The following GCSAM variants were observed in gnomAD, a reference collection of about 807,000 sequenced individuals.
GCSAM encodes the protein germinal center associated signaling and motility.
In GCSAM, 8 loss-of-function variants were observed where a neutral mutation model predicts 17.6. That is an observed-to-expected ratio of 0.46 (90% CI 0.27 to 0.82). The LOEUF is 0.82. Ranked by LOEUF, GCSAM falls within the 40% of genes least tolerant of loss-of-function variation. GCSAM has a pLI of 0.15. For missense variants in GCSAM, 192 were observed against 213.5 expected (o/e 0.90, Z 0.63); for synonymous variants, 68 against 69.0 (o/e 0.98, Z 0.07).
Position 112,125,258 on chromosome 3 carries a change from G to T in GCSAM, c.191-4C>A. ...GGAGTAGATGACATTCTTTCATCTG[G>T]AGAAAGAAAATACACTCAATGAATT... is the stretch of plus-strand genomic sequence containing the variant. On this transcript the variant is annotated splice_polypyrimidine_tract_variant and splice_region_variant and intron_variant, in intron 4 of 5. Coordinates refer to ENST00000308910, the MANE Select transcript of GCSAM (RefSeq NM_152785.5). 6.4e-7 allele frequency: 1 copy of T among 1,569,134 alleles called. No individual in the cohort carries two copies. Among genetic ancestry groups the T allele is most frequent in the Non-Finnish European group, 8.8e-7 (1 of 1,139,204 alleles).
rs765788718 is a variant in GCSAM, at chr3:112,123,628, C to G, written c.364G>C (p.Gly122Arg). ...AGTGAATACTCAGTCTCAGTTCCTC[C>G]CAAGGACTCTCTGGGTCTCTCAGCT... ...CKAERPRESL[G>R]GTETEYSLLH... The change falls in exon 6 of 6, where the codon GGA becomes CGA. Residue 122 changes from glycine (G) to arginine (R), a missense_variant. Transcript: ENST00000308910. 1.4e-5 allele frequency: 22 copies of G among 1,613,938 alleles called. 1 individual carries two copies. In the Admixed American group the frequency reaches 3.7e-4, roughly 27 times the overall value.
At chr3:112,126,866 A>G (rs2074332635) in intron 4 of GCSAM, 121 bp downstream of exon 4, 1 of 755,852 alleles carries the variant, frequency 1.3e-6, no homozygotes, top group Non-Finnish European at 2.3e-6. Flanking sequence ...GATACAGTAA[A>G]GCAAAATGTG....
intron 2 of GCSAM, chr3:112,128,486 G>A: frequency 3.1e-6 from 1 of 327,674 alleles, no homozygotes; most frequent in East Asian, 7.7e-5. Flanking sequence ...ACAGTATATT[G>A]CAATTGTTTG....
At chr3:112,127,677 C>T (rs1226411698) in intron 3 of GCSAM, among the ~76,000 whole-genome samples, 13 of 152,094 alleles carry the variant, frequency 8.5e-5, no homozygotes, top group South Asian at 4.1e-4. Flanking sequence ...ACTATCACCC[C>T]GACTATAAGT....
intron 1 of GCSAM, among the ~76,000 whole-genome samples, chr3:112,131,870 A>T (rs1408092319): frequency 2.0e-5 from 3 of 152,248 alleles, no homozygotes; most frequent in Non-Finnish European, 4.4e-5. Context: ...TTTAAAATAA[A>T]TAAAAAACCA....
Position 112,123,750 on chromosome 3 carries a change from G to A in GCSAM, c.242C>T (p.Ser81Leu). Residue 81 changes from serine to leucine, a missense_variant, in exon 6 of 6, where the codon TCA (serine) becomes TTA (leucine). Transcript: ENST00000308910. ...GATGAGGGTATAGCACAGCTCCTCT[G>A]AGTAGGTCTGGTCAACATTGTCCTG... ...PIQDNVDQTY[S>L]EELCYTLINH... 1.2e-6 allele frequency: 2 copies of A among 1,613,412 alleles called. No individual in the cohort carries two copies. The highest frequency in any genetic ancestry group is 2.2e-5 in the South Asian group (2 of 91,022).
In GCSAM at chr3:112,123,382, C is replaced by T. The variant is rs867101861; in HGVS notation, c.*73G>A. The stretch of plus-strand genomic sequence containing the variant: ...AAGCTGGAGGGACTTTGTGTCCCAT[C>T]CCTGCTTCAGGCAGATCCCCCATCC... On this transcript the variant is annotated 3_prime_UTR_variant, in exon 6 of 6. Coordinates refer to ENST00000308910, the MANE Select transcript of GCSAM (RefSeq NM_152785.5). 7 of 1,560,898 alleles carry T rather than the reference C, an allele frequency of 4.5e-6. No individual in the cohort carries two copies. Among genetic ancestry groups the T allele is most frequent in the Non-Finnish European group, 5.2e-6 (6 of 1,153,976 alleles).
intron 1 of GCSAM, chr3:112,130,847 A>G (rs1278494634): frequency 5.8e-6 from 2 of 342,606 alleles, no homozygotes; most frequent in Non-Finnish European, 1.1e-5. Context: ...GTCCTCAGCT[A>G]CCATCTCTTT....
chr3:112,130,956 A>G (rs950510946), intron 1 of GCSAM: 31 of 168,612 alleles, frequency 1.8e-4, no homozygotes, highest in Non-Finnish European at 6.5e-5. Context: ...GAGGCCCAGA[A>G]CAAGGGACAG....
In GCSAM at chr3:112,133,137, G is replaced by T; in HGVS notation, c.-17C>A. 6.2e-7 allele frequency: 1 copy of T among 1,613,758 alleles called. No individual in the cohort carries two copies. The highest frequency in any genetic ancestry group is 1.1e-5 in the South Asian group (1 of 91,076). ...ATTTCCCATCCTCTCAGTCCTCTCA[G>T]GGCTTCCCCTCCGTCCCTTTACCAC... On this transcript the variant is annotated 5_prime_UTR_variant, in exon 1 of 6. In the 5' UTR this introduces an upstream ATG that the reference lacks. Coordinates refer to ENST00000308910, the MANE Select transcript of GCSAM (RefSeq NM_152785.5).
Position 112,126,794 on chromosome 3 carries a change from TA to T in GCSAM, c.190+192del, listed in dbSNP as rs375660189. On this transcript the variant is annotated intron_variant, in intron 4 of 5. Coordinates refer to ENST00000308910, the MANE Select transcript of GCSAM (RefSeq NM_152785.5). ...GGCACTAACTGAGGAATTTGGAGAT[TA>T]ATGAGCCAATTCCTGCTTCAATGAG... 5.3e-3 allele frequency among the ~76,000 whole-genome samples: 810 copies of T among 152,318 alleles called. 7 individuals are homozygous for T. The highest frequency in any genetic ancestry group is 0.018 in the African/African-American group (767 of 41,552).
At chr3:112,127,877 C>T (rs931954030) in intron 3 of GCSAM, 140 bp downstream of exon 3, 1 of 670,254 alleles carries the variant, frequency 1.5e-6, no homozygotes, top group South Asian at 1.8e-5. Context: ...GATTGCTTCC[C>T]TGATTAACTC....
intron 2 of GCSAM, 131 bp from the exon 3 acceptor site, chr3:112,128,192 T>C (rs1304063646): frequency 5.3e-6 from 4 of 756,516 alleles, no homozygotes; most frequent in Non-Finnish European, 9.5e-6. Flanking sequence ...TCTAGATAAC[T>C]TGGACACATC....
rs764482683 is a variant in GCSAM, at chr3:112,130,412, G to A, written c.98+33C>T. 3.2e-6 allele frequency: 5 copies of A among 1,580,934 alleles called. No homozygotes were observed. In the Admixed American group the frequency reaches 8.3e-5, roughly 26 times the overall value. The stretch of plus-strand genomic sequence containing the variant: ...ACATACTTCGTTCTCCTTGGGCAAG[G>A]TCTGGGGGGTGTTTGGTTGATTTTG... On this transcript the variant is annotated intron_variant, in intron 2 of 5. Transcript: ENST00000308910.
In GCSAM at chr3:112,123,061, C is replaced by T; in HGVS notation, c.*394G>A. The T allele has an allele frequency of 4.5e-6, 1 of 224,632 alleles. No homozygotes were observed. Among genetic ancestry groups the T allele is most frequent in the Non-Finnish European group, 8.8e-6 (1 of 113,164 alleles). 13.9% of individuals were successfully genotyped at this position (224,632 alleles called of 1,614,324 possible). ...ATGAGTGAACTCCCCCTTGGGCACACTTAGTATGATGAGTAAAGCTTCCTT... is the reference window on the plus strand; with the variant it reads ...ATGAGTGAACTCCCCCTTGGGCACATTTAGTATGATGAGTAAAGCTTCCTT... On this transcript the variant is annotated 3_prime_UTR_variant, in exon 6 of 6. Transcript: ENST00000308910.
rs747872713 is a variant in GCSAM at position 112,123,455 on chromosome 3, C to T, written c.537G>A (p.Ter179=). The T allele has an allele frequency of 1.9e-6, 3 of 1,613,370 alleles. No homozygotes were observed. Among genetic ancestry groups the T allele is most frequent in the South Asian group, 2.2e-5 (2 of 90,986 alleles). Residue 179 remains the stop codon, a stop_retained_variant, in exon 6 of 6, where the codon TAG becomes TAA. Transcript: ENST00000308910. ...APSETQFSHL[*] ...AACAAATGCTAGTCCAGCCACTTCA[C>T]TATAAATGGGAAAACTGAGTCTCAG...
At chr3:112,124,826 G>C (rs1404040338) in intron 5 of GCSAM, among the ~76,000 whole-genome samples, 1 of 152,082 alleles carries the variant, frequency 6.6e-6, no homozygotes, top group Non-Finnish European at 1.5e-5. Context: ...TTGAATCCTG[G>C]TTCCGCCCCC....
chr3:112,128,954 C>T (rs748799819), intron 2 of GCSAM: 8 of 152,206 alleles, frequency 5.3e-5, no homozygotes, highest in Non-Finnish European at 1.0e-4. Flanking sequence ...GTGAGCTTTC[C>T]CATGAAGTTT....
chr3:112,132,933 T>C, intron 1 of GCSAM, 159 bp downstream of exon 1: 1 of 679,050 alleles, frequency 1.5e-6, no homozygotes, highest in Non-Finnish European at 2.5e-6. Context: ...TAATGTGGTA[T>C]CTGGCACAGA....
Sources: allele counts gnomAD v4.1 joint callset (sites outside exome capture counted in the v4.1 genomes callset), GRCh38; gene constraint gnomAD v4.1.1; transcripts MANE v1.5; gene names NCBI Gene and HGNC (gene_info 2026-07-23, HGNC 2026-07-21).